UBN2: variants seen among roughly 807,000 people sequenced by gnomAD.
UBN2 encodes ubinuclein-2.
A neutral mutation model predicts 120.2 loss-of-function variants in UBN2; 35 were observed. The observed-to-expected ratio is 0.29, with a 90% CI of 0.22 to 0.39. The LOEUF (loss-of-function observed/expected upper bound fraction) is 0.39. UBN2 is among the 10% of genes least tolerant of loss of function. The pLI is 1.00. For synonymous variants in UBN2, 661 were observed against 648.7 expected, an observed-to-expected ratio of 1.02 and a Z score of -0.29; for missense variants, 1,693 against 1,663.2, an observed-to-expected ratio of 1.02 and a Z score of -0.31.
At chr7:139,319,859 A>G in the UBN2 span, among the ~76,000 whole-genome samples, 4 of 151,582 alleles carry the variant, frequency 2.6e-5, no homozygotes, top group Admixed American at 6.6e-5. Context: ...GGCGTATCAC[A>G]AGGTCAGGAG....
rs1388584725 is a variant in UBN2, at chr7:139,231,338, C to T, written c.-147C>T. Reference sequence around the variant, plus strand: ...TAGTAGCGGGGAAGGGGACACGGTCCGCACTCACCGTGGCGCCGGCGGAGA... The same window carrying T: ...TAGTAGCGGGGAAGGGGACACGGTCTGCACTCACCGTGGCGCCGGCGGAGA... On this transcript the variant is annotated 5_prime_UTR_variant, in exon 1 of 18. Transcript: ENST00000473989. 5 of 610,984 alleles carry T rather than the reference C, an allele frequency of 8.2e-6. No homozygotes were observed. Among genetic ancestry groups the T allele is most frequent in the Middle Eastern group, 8.1e-4 (2 of 2,484 alleles). The allele number at this position is 610,984 out of a possible 1,614,324, so 37.8% of individuals were successfully genotyped here.
At chr7:139,245,675 A>G (rs1796452259) in intron 2 of UBN2, among the ~76,000 whole-genome samples, 1 of 152,234 alleles carries the variant, frequency 6.6e-6, no homozygotes, top group South Asian at 2.1e-4. Context: ...TGCCTAGACA[A>G]AAAATATGTT....
In UBN2 at chr7:139,283,767, C is replaced by T. The variant is rs139979406; in HGVS notation, c.2862C>T (p.Pro954=). 1.6e-4 allele frequency: 251 copies of T among 1,613,816 alleles called. 1 individual carries two copies. The Middle Eastern group carries it at 1.6e-3, about 11-fold the overall frequency. The change falls in exon 15 of 18, where the codon CCC becomes CCT. Residue 954 remains proline (P), a synonymous_variant. Coordinates refer to ENST00000473989, the MANE Select transcript of UBN2 (RefSeq NM_173569.4). ...QATISKSQTN[P]VVKLSNNPQL... ...CCATCAGTAAATCCCAGACCAACCC[C>T]GTCGTGAAGTTAAGTAATAATCCCC...
intron 1 of UBN2, 126 bp from the exon 2 acceptor site, chr7:139,236,879 C>T (rs1274195215): frequency 1.3e-5 from 6 of 445,824 alleles, no homozygotes; most frequent in Non-Finnish European, 2.5e-5. Flanking sequence ...AGTTTATTTC[C>T]TTTCAGATCA....
Position 139,260,514 on chromosome 7 carries a change from G to C in UBN2, c.906-738G>C, listed in dbSNP as rs372664997. 3.9e-5 allele frequency among the ~76,000 whole-genome samples: 6 copies of C among 152,154 alleles called. No individual in the cohort carries two copies. In the East Asian group the frequency reaches 5.8e-4, roughly 15 times the overall value. On this transcript the variant is annotated intron_variant, in intron 5 of 17. Coordinates refer to ENST00000473989, the MANE Select transcript of UBN2 (RefSeq NM_173569.4). ...GCAGTCAAACATTACCAATTGCCTT[G>C]ACTTCTCTGTGGCTTTTTTCACAGA...
intron 2 of UBN2, among the ~76,000 whole-genome samples, chr7:139,240,226 T>A (rs917120703): frequency 2.0e-5 from 3 of 151,858 alleles, no homozygotes; most frequent in African/African-American, 7.2e-5. Flanking sequence ...AGAGATTGTA[T>A]GTATATTAAC....
Position 139,298,172 on chromosome 7 carries a change from T to C in UBN2, c.*336T>C. On this transcript the variant is annotated 3_prime_UTR_variant, in exon 18 of 18. Transcript: ENST00000473989. ...GGGAGGAAGAAGGAAGTGAAGAGAA[T>C]TTGGGTAAACTCCATCCATCCTGGG... is the stretch of plus-strand genomic sequence containing the variant. 1 of 252,890 alleles carries C rather than the reference T, an allele frequency of 4.0e-6. No individual in the cohort carries two copies. The highest frequency in any genetic ancestry group is 7.6e-6 in the Non-Finnish European group (1 of 131,598). 15.7% of individuals were successfully genotyped at this position (252,890 alleles called of 1,614,324 possible). A position where few individuals can be genotyped will look rare whatever the true frequency, so the allele number is the denominator to read the frequency against.
rs1033677043 is a variant in UBN2, at chr7:139,231,571, C to G, written c.87C>G (p.Pro29=). The G allele has an allele frequency of 1.9e-5, 26 of 1,403,444 alleles. No homozygotes were observed. Among genetic ancestry groups the G allele is most frequent in the Non-Finnish European group, 2.4e-5 (26 of 1,069,444 alleles). The allele number at this position is 1,403,444 out of a possible 1,614,324, so 86.9% of individuals were successfully genotyped here. The change falls in exon 1 of 18, where the codon CCC becomes CCG. Residue 29 remains proline (P), a synonymous_variant. Coordinates refer to ENST00000473989, the MANE Select transcript of UBN2 (RefSeq NM_173569.4). Reference sequence around the variant, plus strand: ...AGTACCCGGGGCCCGAGCGTGAGCCCGAGTACCCCCGCGAGCCCCCCCGGC... The same window carrying G: ...AGTACCCGGGGCCCGAGCGTGAGCCGGAGTACCCCCGCGAGCCCCCCCGGC... ...EAEYPGPERE[P]EYPREPPRLE...
intron 17 of UBN2, among the ~76,000 whole-genome samples, chr7:139,294,781 C>T (rs144921416): frequency 1.9e-3 from 283 of 152,164 alleles, no homozygotes; most frequent in Admixed American, 2.7e-3. Flanking sequence ...GTGGAGGTTG[C>T]GGTGAGCCGA....
At chr7:139,259,474 A>G (rs1396898267) in intron 5 of UBN2, 104 bp downstream of exon 5, 87 of 1,434,050 alleles carry the variant, frequency 6.1e-5, no homozygotes, top group Non-Finnish European at 8.1e-5. Flanking sequence ...AGCTGAGTCT[A>G]ATTTAGTACG....
Position 139,231,681 on chromosome 7 carries a change from C to G in UBN2, c.197C>G (p.Pro66Arg), listed in dbSNP as rs1796015280. 5 of 1,183,892 alleles carry G rather than the reference C, an allele frequency of 4.2e-6. No individual in the cohort carries two copies. Among genetic ancestry groups the G allele is most frequent in the Non-Finnish European group, 5.2e-6 (5 of 960,050 alleles). 73.3% of individuals were successfully genotyped at this position (1,183,892 alleles called of 1,614,324 possible). A position where few individuals can be genotyped will look rare whatever the true frequency, so the allele number is the denominator to read the frequency against. ...EPAPRSDAQP[P>R]SREKPLPQRE... The stretch of plus-strand genomic sequence containing the variant: ...GCCCCCCGCTCGGACGCGCAGCCCC[C>G]GTCGCGGGAGAAGCCGCTCCCCCAG... Residue 66 changes from proline to arginine, a missense_variant, in exon 1 of 18, where the codon CCG becomes CGG. Pro to Arg is a moderately radical substitution (Grantham distance 103). Around this residue, in one of 5 missense-constraint regions of UBN2, gnomAD observed 663 missense variants for 591.2 expected, o/e 1.12. Coordinates refer to ENST00000473989, the MANE Select transcript of UBN2 (RefSeq NM_173569.4).
chr7:139,276,766 C>A (rs1309983474), intron 12 of UBN2: 1 of 152,532 alleles, frequency 6.6e-6, no homozygotes, highest in Non-Finnish European at 1.5e-5. Context: ...GCAAGGGTGG[C>A]ATTAACGGTT....
intron 15 of UBN2, among the ~76,000 whole-genome samples, chr7:139,285,685 T>C (rs533539323): frequency 1.3e-5 from 2 of 152,240 alleles, no homozygotes; most frequent in East Asian, 1.9e-4. Context: ...ATTATGTGTC[T>C]GATTACTGTT....
chr7:139,272,937 C>T (rs546902084), intron 9 of UBN2, among the ~76,000 whole-genome samples: 1 of 152,288 alleles, frequency 6.6e-6, no homozygotes, highest in Non-Finnish European at 1.5e-5. Flanking sequence ...GTAAATGGCA[C>T]TCAGTTGCTT....
In UBN2 at chr7:139,272,228, G is replaced by A. The variant is rs1410598096; in HGVS notation, c.1597-94G>A. Reference sequence around the variant, plus strand: ...ATGCTAATATTTCAAATCTATAATTGGTATCTAAAACATAAATTTTATCTT... The same window carrying A: ...ATGCTAATATTTCAAATCTATAATTAGTATCTAAAACATAAATTTTATCTT... On this transcript the variant is annotated intron_variant, in intron 8 of 17. Coordinates refer to ENST00000473989, the MANE Select transcript of UBN2 (RefSeq NM_173569.4). 3 of 799,190 alleles carry A rather than the reference G, an allele frequency of 3.8e-6. No individual in the cohort carries two copies. In the African/African-American group the frequency reaches 5.2e-5, roughly 14 times the overall value. The allele number at this position is 799,190 out of a possible 1,614,324, so 49.5% of individuals were successfully genotyped here. A position where few individuals can be genotyped will look rare whatever the true frequency, so the allele number is the denominator to read the frequency against.
chr7:139,248,860 T>C (rs1433886943), intron 2 of UBN2, among the ~76,000 whole-genome samples: 1 of 152,150 alleles, frequency 6.6e-6, no homozygotes, highest in Admixed American at 6.5e-5. Flanking sequence ...GAATGCTGAT[T>C]CTCACCATAA....
chr7:139,279,392 A>G (rs1276883049), intron 13 of UBN2, 32 bp downstream of exon 13: 2 of 1,531,732 alleles, frequency 1.3e-6, no homozygotes, highest in Non-Finnish European at 1.8e-6. Flanking sequence ...TTAATTAGTT[A>G]TAGTTGGTGA....
chr7:139,315,015 G>A, the UBN2 span, among the ~76,000 whole-genome samples: 7 of 151,424 alleles, frequency 4.6e-5, no homozygotes, highest in South Asian at 2.1e-4. Flanking sequence ...TCGCTCTGTC[G>A]CCCATGCTGG....
At position 139,259,312 on chromosome 7, in the gene UBN2, C is replaced by A; in HGVS notation, c.847C>A (p.Arg283=). 6.2e-7 allele frequency: 1 copy of A among 1,613,148 alleles called. No homozygotes were observed. Among genetic ancestry groups the A allele is most frequent in the African/African-American group, 1.3e-5 (1 of 74,944 alleles). The change falls in exon 5 of 18, where the codon CGG becomes AGG. Residue 283 remains arginine (R), a synonymous_variant. Transcript: ENST00000473989. ...EDDIEMKKRK[R]KEEGEKEKKP... is the part of the protein sequence containing the mutation. ...TGATATTGAGATGAAGAAGCGGAAG[C>A]GGAAAGAGGAAGGGGAAAAGGAGAA...
Sources: gnomAD v4.1 joint callset for allele counts (sites outside exome capture counted in the v4.1 genomes callset) on GRCh38, gnomAD v4.1.1 for gene constraint, gnomAD v4.1.1 regional missense constraint, MANE v1.5 for transcripts, NCBI Gene and HGNC (gene_info 2026-07-23, HGNC 2026-07-21) for gene names.